The following SEZ6L variants were observed in gnomAD, a reference collection of about 807,000 sequenced individuals.
SEZ6L encodes seizure related 6 homolog like, also known as seizure 6-like protein.
SEZ6L carries 37 observed loss-of-function variants against 106.2 expected under a neutral mutation model. The observed-to-expected ratio is 0.35, with a 90% confidence interval of 0.27 to 0.46. The LOEUF (loss-of-function observed/expected upper bound fraction) is 0.46. Ranked by LOEUF, SEZ6L falls within the 20% of genes least tolerant of loss-of-function variation. The probability of loss-of-function intolerance (pLI) is 1.00; values close to 1 mark genes in which losing one functional copy is unlikely to be tolerated. For synonymous variants in SEZ6L, 541 were observed against 570.4 expected (o/e 0.95, Z 0.73); for missense variants, 1,172 against 1,332.8 (o/e 0.88, Z 1.88).
chr22:26,348,007 T>A, intron 11 of SEZ6L, 94 bp downstream of exon 11: 1 of 988,736 alleles, frequency 1.0e-6, no homozygotes, highest in African/African-American at 1.7e-5. Flanking sequence ...CTGTTTAATG[T>A]AGAATCTGGA....
chr22:26,202,244 T>C (rs1406695852), intron 1 of SEZ6L, among the ~76,000 whole-genome samples: 2 of 152,186 alleles, frequency 1.3e-5, no homozygotes, highest in Non-Finnish European at 2.9e-5. Flanking sequence ...CTCTCATGCC[T>C]GCATCTATCT....
chr22:26,169,770 GC>G lies in SEZ6L; in HGVS notation c.94+11del. The stretch of plus-strand genomic sequence containing the variant: ...GCGGCAGCGCTGGAGCGAGGTAAGC[GC>G]CCCGAGGGGCGGGGCGGGCAGGGGG... On this transcript the variant is annotated splice_region_variant and intron_variant, in intron 1 of 16. Transcript: ENST00000248933. 1 of 1,240,224 alleles carries G rather than the reference GC, an allele frequency of 8.1e-7. No individual in the cohort carries two copies. The highest frequency in any genetic ancestry group is 1.0e-6 in the Non-Finnish European group (1 of 989,834). The allele number at this position is 1,240,224 out of a possible 1,614,324, so 76.8% of individuals were successfully genotyped here.
rs145942215 is a variant in SEZ6L, at chr22:26,382,654, A to G, written c.*2359A>G. The G allele has an allele frequency of 9.8e-5, 15 of 152,326 alleles. No individual in the cohort carries two copies. The East Asian group carries it at 2.7e-3, about 27-fold the overall frequency. The allele number at this position is 152,326 out of a possible 1,614,324, so 9.4% of individuals were successfully genotyped here. On this transcript the variant is annotated 3_prime_UTR_variant, in exon 17 of 17. Coordinates refer to ENST00000248933, the MANE Select transcript of SEZ6L (RefSeq NM_021115.5). ...TAGAGACAGATCATACGAGTTCAACAATGTACAGTGTGATTGAAAAGACAG... is the reference window on the plus strand; with the variant it reads ...TAGAGACAGATCATACGAGTTCAACGATGTACAGTGTGATTGAAAAGACAG...
chr22:26,322,559 A>C (rs560962200), intron 9 of SEZ6L, among the ~76,000 whole-genome samples: 7 of 152,356 alleles, frequency 4.6e-5, no homozygotes, highest in Non-Finnish European at 7.3e-5. Context: ...AGAAGGTGAC[A>C]TCCAGAAGGA....
intron 9 of SEZ6L, among the ~76,000 whole-genome samples, 193 bp downstream of exon 9, chr22:26,314,095 C>CAGAGAGAG (rs796066126): frequency 8.8e-5 from 12 of 136,322 alleles, no homozygotes; most frequent in Middle Eastern, 3.8e-3. Context: ...CACACACACA[C>CAGAGAGAG]AGAGAGAGAG....
intron 9 of SEZ6L, among the ~76,000 whole-genome samples, chr22:26,317,671 A>C (rs2082042903): frequency 6.6e-6 from 1 of 152,096 alleles, no homozygotes; most frequent in African/African-American, 2.4e-5. Context: ...CATGCAATTA[A>C]AGCTTCCCCA....
At chr22:26,179,554 T>C (rs1939247978) in intron 1 of SEZ6L, among the ~76,000 whole-genome samples, 6 of 152,196 alleles carry the variant, frequency 3.9e-5, no homozygotes. Flanking sequence ...TGAGGAATAA[T>C]GTCCAGTTGC....
intron 1 of SEZ6L, among the ~76,000 whole-genome samples, chr22:26,182,571 A>G (rs1260165586): frequency 6.6e-6 from 1 of 152,104 alleles, no homozygotes; most frequent in Non-Finnish European, 1.5e-5. Flanking sequence ...TACTGTGAAT[A>G]AATGAATGCA....
chr22:26,281,043 A>G (rs1028785537), intron 1 of SEZ6L, among the ~76,000 whole-genome samples: 2 of 152,122 alleles, frequency 1.3e-5, no homozygotes, highest in Non-Finnish European at 2.9e-5. Flanking sequence ...CCCTTCTAAG[A>G]CTCATGTTGG....
intron 12 of SEZ6L, among the ~76,000 whole-genome samples, chr22:26,352,151 AC>A (rs2083301651): frequency 8.1e-6 from 1 of 123,356 alleles, no homozygotes; most frequent in Admixed American, 9.2e-5. Flanking sequence ...GCACAGCGAG[AC>A]CCTGCCTCAA....
chr22:26,315,257 A>G (rs1601475645), intron 9 of SEZ6L, among the ~76,000 whole-genome samples: 1 of 152,146 alleles, frequency 6.6e-6, no homozygotes, highest in Non-Finnish European at 1.5e-5. Flanking sequence ...AGGCAGGAGG[A>G]TTGCTTGAGA....
Position 26,370,027 on chromosome 22 carries a change from G to T in SEZ6L, c.2795-3424G>T, listed in dbSNP as rs560751448. On this transcript the variant is annotated intron_variant, in intron 13 of 16. Coordinates refer to ENST00000248933, the MANE Select transcript of SEZ6L (RefSeq NM_021115.5). ...TCTAACTGTCACATGGACATTAATA[G>T]AAATTAATTTGACATTGTTGATGAG... 3.9e-5 allele frequency among the ~76,000 whole-genome samples: 6 copies of T among 152,282 alleles called. No individual in the cohort carries two copies. In the East Asian group the frequency reaches 1.2e-3, roughly 29 times the overall value.
chr22:26,232,346 TCACACACACACACACACACACACA>T (rs10654892), intron 1 of SEZ6L, among the ~76,000 whole-genome samples: 5 of 133,268 alleles, frequency 3.8e-5, no homozygotes, highest in South Asian at 2.8e-4. Context: ...TCTCTGTCTT[TCACACACACACACACACACACACA>T]CACACACACA....
At chr22:26,247,795 GTGA>G (rs1569417549) in intron 1 of SEZ6L, among the ~76,000 whole-genome samples, 1 of 152,216 alleles carries the variant, frequency 6.6e-6, no homozygotes, top group Non-Finnish European at 1.5e-5. Flanking sequence ...TTATAAAATT[GTGA>G]TGATATAGCG....
At chr22:26,373,126 A>G (rs1463650535) in intron 13 of SEZ6L, among the ~76,000 whole-genome samples, 1 of 152,164 alleles carries the variant, frequency 6.6e-6, no homozygotes, top group African/African-American at 2.4e-5. Flanking sequence ...AATAGCATTG[A>G]CCTAACAAGA....
Position 26,383,082 on chromosome 22 carries a change from T to A in SEZ6L, c.*2787T>A, listed in dbSNP as rs1439356906. On this transcript the variant is annotated 3_prime_UTR_variant, in exon 17 of 17. Coordinates refer to ENST00000248933, the MANE Select transcript of SEZ6L (RefSeq NM_021115.5). ...CTCAGCTTTTTGCTTTTTTTTTTTT[T>A]TTTTTGTAGAATTATTTAGCTAACA... The A allele has an allele frequency of 3.3e-5, 5 of 151,540 alleles. No homozygotes were observed. In the South Asian group the frequency reaches 1.0e-3, roughly 32 times the overall value. The allele number at this position is 151,540 out of a possible 1,614,324, so 9.4% of individuals were successfully genotyped here.
At chr22:26,256,656 A>T (rs544323980) in intron 1 of SEZ6L, among the ~76,000 whole-genome samples, 1 of 152,236 alleles carries the variant, frequency 6.6e-6, no homozygotes, top group Non-Finnish European at 1.5e-5. Flanking sequence ...AACCACTGCC[A>T]TAAGGCACTG....
At chr22:26,345,426 C>T (rs758084498) in intron 10 of SEZ6L, among the ~76,000 whole-genome samples, 1 of 152,176 alleles carries the variant, frequency 6.6e-6, no homozygotes, top group Admixed American at 6.5e-5. Flanking sequence ...GACAAGCAAA[C>T]CTTTCTCCGT....
At chr22:26,348,555 AAGGAAGG>A (rs1569473263) in intron 11 of SEZ6L, among the ~76,000 whole-genome samples, 2 of 66,946 alleles carry the variant, frequency 3.0e-5, no homozygotes, top group Non-Finnish European at 6.2e-5. Context: ...GGAAGGAAGG[AAGGAAGG>A]GAGGAAAGAA....
Sources: allele counts gnomAD v4.1 joint callset (sites outside exome capture counted in the v4.1 genomes callset), GRCh38; gene constraint gnomAD v4.1.1; transcripts MANE v1.5; gene names NCBI Gene and HGNC (gene_info 2026-07-23, HGNC 2026-07-21).